The following CSNK2A2IP variants were observed in gnomAD, a reference collection of about 807,000 sequenced individuals.
CSNK2A2IP encodes casein kinase II subunit alpha'-interacting protein.
At chr3:88,440,250 G>T in the CSNK2A2IP span, among the ~76,000 whole-genome samples, 196 of 152,238 alleles carry the variant, frequency 1.3e-3, 2 homozygotes, top group African/African-American at 4.5e-3. Context: ...TAGTGGCAAA[G>T]AACTTTGCTA....
chr3:88,453,297 T>A, the CSNK2A2IP span, among the ~76,000 whole-genome samples: 438 of 152,210 alleles, frequency 2.9e-3, 2 homozygotes, highest in African/African-American at 9.8e-3. Flanking sequence ...TAATGGTATT[T>A]TAGATATTGA....
At chr3:88,372,400 T>A in the CSNK2A2IP span, among the ~76,000 whole-genome samples, 1 of 151,374 alleles carries the variant, frequency 6.6e-6, no homozygotes, top group Non-Finnish European at 1.5e-5. Flanking sequence ...TTCCTATATA[T>A]CACCAAAAAT....
the CSNK2A2IP span, among the ~76,000 whole-genome samples, chr3:88,354,009 T>C: frequency 6.6e-6 from 1 of 152,168 alleles, no homozygotes; most frequent in Non-Finnish European, 1.5e-5. Context: ...CCTTGCTCTA[T>C]CAGTTACCAT....
At chr3:88,389,692 T>C in the CSNK2A2IP span, among the ~76,000 whole-genome samples, 2 of 152,060 alleles carry the variant, frequency 1.3e-5, no homozygotes, top group Non-Finnish European at 2.9e-5. Flanking sequence ...TGCACTAGTG[T>C]ATTGGGGGCA....
the CSNK2A2IP span, among the ~76,000 whole-genome samples, chr3:88,461,255 TA>T: frequency 3.9e-5 from 6 of 152,106 alleles, no homozygotes; most frequent in African/African-American, 1.2e-4. Flanking sequence ...TAAAAATGTA[TA>T]AAAAATACTA....
chr3:88,437,769 T>C, the CSNK2A2IP span, among the ~76,000 whole-genome samples: 6 of 152,214 alleles, frequency 3.9e-5, no homozygotes, highest in Non-Finnish European at 5.9e-5. Context: ...CCTAGTTGGA[T>C]AGACTATCTC....
At chr3:88,346,265 T>A in the CSNK2A2IP span, among the ~76,000 whole-genome samples, 1 of 152,004 alleles carries the variant, frequency 6.6e-6, no homozygotes, top group Non-Finnish European at 1.5e-5. Context: ...AAGCAGCAAG[T>A]GCCAATGGAG....
chr3:88,348,914 T>G, the CSNK2A2IP span, among the ~76,000 whole-genome samples: 2 of 152,010 alleles, frequency 1.3e-5, no homozygotes, highest in Non-Finnish European at 2.9e-5. Flanking sequence ...TGTTTTTTTC[T>G]TTCTGCCCTT....
chr3:88,416,129 G>A, the CSNK2A2IP span, among the ~76,000 whole-genome samples: 1 of 151,788 alleles, frequency 6.6e-6, no homozygotes, highest in South Asian at 2.1e-4. Context: ...AAATTAGCCT[G>A]GTGTGGTGGC....
chr3:88,350,244 C>A, the CSNK2A2IP span, among the ~76,000 whole-genome samples: 169 of 152,216 alleles, frequency 1.1e-3, 3 homozygotes, highest in East Asian at 0.026. Context: ...GCCAGATTCT[C>A]CATGGTGCTT....
chr3:88,346,376 G>A, the CSNK2A2IP span, among the ~76,000 whole-genome samples: 6 of 152,122 alleles, frequency 3.9e-5, no homozygotes, highest in African/African-American at 1.4e-4. Flanking sequence ...AATGGAAAAA[G>A]AATCCATCCA....
the CSNK2A2IP span, among the ~76,000 whole-genome samples, chr3:88,414,343 C>T: frequency 8.0e-6 from 1 of 125,470 alleles, no homozygotes; most frequent in Non-Finnish European, 1.5e-5. Context: ...AGTGAAAAGC[C>T]TTGACCTCTG....
At chr3:88,456,726 A>C in the CSNK2A2IP span, among the ~76,000 whole-genome samples, 44,169 of 150,166 alleles carry the variant, frequency 0.29, 7,175 homozygotes, top group East Asian at 0.48. Context: ...TTTTTCTCCA[A>C]TGAATTGCTT....
At chr3:88,451,872 T>G in the CSNK2A2IP span, among the ~76,000 whole-genome samples, 1 of 152,108 alleles carries the variant, frequency 6.6e-6, no homozygotes, top group African/African-American at 2.4e-5. Flanking sequence ...AAGTTTGGAC[T>G]GCAAATGCCT....
the CSNK2A2IP span, among the ~76,000 whole-genome samples, chr3:88,379,809 C>A: frequency 6.6e-6 from 1 of 152,048 alleles, no homozygotes; most frequent in Non-Finnish European, 1.5e-5. Flanking sequence ...CATTTAGTTG[C>A]ACTTGTTGTC....
chr3:88,396,138 G>GCT, the CSNK2A2IP span, among the ~76,000 whole-genome samples: 10 of 134,790 alleles, frequency 7.4e-5, no homozygotes, highest in African/African-American at 2.5e-4. Context: ...ACGGAGTCTC[G>GCT]CTGTCGCCCA....
chr3:88,379,075 CT>C, the CSNK2A2IP span, among the ~76,000 whole-genome samples: 419 of 151,314 alleles, frequency 2.8e-3, 5 homozygotes, highest in African/African-American at 9.3e-3. Context: ...CGAAAATCAT[CT>C]TTTTTTTTGT....
At chr3:88,373,682 A>T in the CSNK2A2IP span, among the ~76,000 whole-genome samples, 15 of 151,218 alleles carry the variant, frequency 9.9e-5, no homozygotes, top group Admixed American at 7.9e-4. Context: ...GAAATGAATA[A>T]AATGGAGAAA....
chr3:88,367,741 A>T, the CSNK2A2IP span, among the ~76,000 whole-genome samples: 1 of 151,924 alleles, frequency 6.6e-6, no homozygotes, highest in Non-Finnish European at 1.5e-5. Context: ...GCTGAACAGA[A>T]CTCCTGTGTT....
Sources: gnomAD v4.1 joint callset for allele counts (sites outside exome capture counted in the v4.1 genomes callset) on GRCh38, gnomAD v4.1.1 for gene constraint, MANE v1.5 for transcripts, NCBI Gene and HGNC (gene_info 2026-07-23, HGNC 2026-07-21) for gene names.